The following KALRN variants were observed in gnomAD, a reference collection of about 807,000 sequenced individuals.
KALRN encodes the protein kalirin RhoGEF kinase.
Under a neutral mutation model 353.7 loss-of-function variants are expected in KALRN, and 70 were observed. The observed-to-expected ratio is 0.20, with a 90% confidence interval of 0.16 to 0.24. The LOEUF (loss-of-function observed/expected upper bound fraction) is 0.24, where lower values mean the gene tolerates loss of function less well. Ranked by LOEUF, KALRN falls within the 10% of genes least tolerant of loss-of-function variation. The pLI, the probability that KALRN is intolerant of heterozygous loss-of-function variation, is 1.00. For missense variants in KALRN, 2,791 were observed against 3,756.7 expected, an observed-to-expected ratio of 0.74 and a Z score of 6.72; for synonymous variants, 1,391 against 1,434.8, an observed-to-expected ratio of 0.97 and a Z score of 0.69.
chr3:124,666,586 C>T lies in KALRN; in HGVS notation c.6483C>T (p.Leu2161=). The T allele has an allele frequency of 1.9e-6, 3 of 1,614,052 alleles. No homozygotes were observed. The highest frequency in any genetic ancestry group is 2.5e-6 in the Non-Finnish European group (3 of 1,179,972). ...FEQIVIFSEL[L]RKGSLTPGYM... ...AGATTGTCATCTTCAGTGAACTGCT[C>T]AGGAAGGGATCCCTCACCCCTGGCT... Residue 2161 remains leucine (L), a synonymous_variant, in exon 46 of 60, where the codon CTC becomes CTT. Coordinates refer to ENST00000682506, the MANE Select transcript of KALRN (RefSeq NM_001388419.1).
chr3:124,433,466 T>G (rs1026866020), intron 16 of KALRN, among the ~76,000 whole-genome samples: 7 of 151,724 alleles, frequency 4.6e-5, no homozygotes, highest in Non-Finnish European at 8.8e-5. Flanking sequence ...CACACACCTG[T>G]AGTCCCAGCT....
rs188694898 is a variant in KALRN at position 124,690,514 on chromosome 3, G to A, written c.7378-3290G>A. Among the ~76,000 whole-genome samples, 17 of 152,276 alleles carry A rather than the reference G, an allele frequency of 1.1e-4. No homozygotes were observed. In the East Asian group the frequency reaches 3.3e-3, roughly 29 times the overall value. ...GAGTAGAGATAGGATAGATAGAGAG[G>A]TGGAGAGCAAAGATAAGCAGGTAGG... is the stretch of plus-strand genomic sequence containing the variant. On this transcript the variant is annotated intron_variant, in intron 51 of 59. Transcript: ENST00000682506.
rs879063599 is a variant in KALRN, at chr3:124,701,901, G to A, written c.7997-137G>A. The stretch of plus-strand genomic sequence containing the variant: ...TAAAATAACATTCCAGAGAATCATG[G>A]CATTTTCCCACTGAGTCAGACTCCA... On this transcript the variant is annotated intron_variant, in intron 56 of 59. Coordinates refer to ENST00000682506, the MANE Select transcript of KALRN (RefSeq NM_001388419.1). 11 of 611,602 alleles carry A rather than the reference G, an allele frequency of 1.8e-5. No homozygotes were observed. In the South Asian group the frequency reaches 2.2e-4, roughly 12 times the overall value. The allele number at this position is 611,602 out of a possible 1,614,324, so 37.9% of individuals were successfully genotyped here. A position where few individuals can be genotyped will look rare whatever the true frequency, so the allele number is the denominator to read the frequency against.
chr3:124,294,816 T>C (rs1428786165), intron 5 of KALRN, among the ~76,000 whole-genome samples: 2 of 152,232 alleles, frequency 1.3e-5, no homozygotes, highest in African/African-American at 4.8e-5. Context: ...TATTTTTTAT[T>C]TTGGGTGGAA....
At chr3:124,288,804 G>C (rs2076172245) in intron 5 of KALRN, among the ~76,000 whole-genome samples, 1 of 152,146 alleles carries the variant, frequency 6.6e-6, no homozygotes, top group South Asian at 2.1e-4. Context: ...GAAGTAAAAG[G>C]CATATTCCAG....
chr3:124,616,500 T>A (rs2078612170), intron 34 of KALRN, among the ~76,000 whole-genome samples: 1 of 152,248 alleles, frequency 6.6e-6, no homozygotes, highest in African/African-American at 2.4e-5. Flanking sequence ...TCACCCTTTT[T>A]CTTCCAGATC....
In KALRN at chr3:124,632,426, A is replaced by T; in HGVS notation, c.5189A>T (p.Tyr1730Phe). 1.2e-6 allele frequency: 2 copies of T among 1,613,000 alleles called. No homozygotes were observed. The highest frequency in any genetic ancestry group is 1.7e-6 in the Non-Finnish European group (2 of 1,179,646). The part of the protein sequence containing the change: ...DCFFPLVKDA[Y>F]SHSSSENGGK... Reference sequence around the variant, plus strand: ...GTCTGTCCGTTTTCCTCAGATGCATACTCTCATTCCTCAAGCGAGAATGGA... The same window carrying T: ...GTCTGTCCGTTTTCCTCAGATGCATTCTCTCATTCCTCAAGCGAGAATGGA... The change falls in exon 35 of 60, where the codon TAC becomes TTC. Residue 1730 changes from tyrosine (Y) to phenylalanine (F), a missense_variant. Physicochemically the swap from Tyr to Phe is conservative, Grantham distance 22. Coordinates refer to ENST00000682506, the MANE Select transcript of KALRN (RefSeq NM_001388419.1).
At chr3:124,595,601 T>A (rs916077280) in intron 34 of KALRN, among the ~76,000 whole-genome samples, 1 of 152,226 alleles carries the variant, frequency 6.6e-6, no homozygotes, top group African/African-American at 2.4e-5. Flanking sequence ...TACACATCCA[T>A]AATTACTTCC....
intron 21 of KALRN, among the ~76,000 whole-genome samples, chr3:124,454,094 A>G (rs2059065078): frequency 6.6e-6 from 1 of 152,358 alleles, no homozygotes; most frequent in South Asian, 2.1e-4. Flanking sequence ...ACCTAGTCCT[A>G]TAATAGATGA....
chr3:124,413,336 A>G (rs1296889063), intron 13 of KALRN, 134 bp from the exon 14 acceptor site: 7 of 707,080 alleles, frequency 9.9e-6, no homozygotes, highest in Non-Finnish European at 1.4e-5. Context: ...AAATAGTCTA[A>G]GGGTTGAAGA....
intron 1 of KALRN, among the ~76,000 whole-genome samples, chr3:124,061,905 G>A (rs936501863): frequency 3.3e-5 from 5 of 151,026 alleles, no homozygotes; most frequent in African/African-American, 1.2e-4. Context: ...TTGTAAAGAA[G>A]CAGACTATTT....
chr3:124,475,126 G>T (rs542222040), intron 26 of KALRN, among the ~76,000 whole-genome samples: 1 of 152,076 alleles, frequency 6.6e-6, no homozygotes, highest in Non-Finnish European at 1.5e-5. Context: ...ATTTATGGGG[G>T]AGACAAAATA....
intron 1 of KALRN, among the ~76,000 whole-genome samples, chr3:124,065,241 C>T (rs1484778229): frequency 1.3e-5 from 2 of 152,178 alleles, no homozygotes; most frequent in African/African-American, 2.4e-5. Context: ...GATGTGGCTT[C>T]AGCAGCAGCA....
chr3:124,521,868 A>G (rs2067191610), intron 33 of KALRN, among the ~76,000 whole-genome samples: 1 of 152,174 alleles, frequency 6.6e-6, no homozygotes, highest in Non-Finnish European at 1.5e-5. Context: ...TTATTCACTC[A>G]TTAATTCAAC....
chr3:124,351,544 C>T (rs1041685353), intron 10 of KALRN, among the ~76,000 whole-genome samples: 17 of 152,166 alleles, frequency 1.1e-4, no homozygotes, highest in Admixed American at 3.3e-4. Context: ...GAAATTTGTC[C>T]TTCTGCAAGG....
At position 124,233,494 on chromosome 3, in the gene KALRN, G is replaced by A. The variant is rs938768563; in HGVS notation, c.149-1335G>A. 3.3e-5 allele frequency among the ~76,000 whole-genome samples: 5 copies of A among 152,264 alleles called. No homozygotes were observed. In the East Asian group the frequency reaches 9.7e-4, roughly 29 times the overall value. ...CTGAGTGGGGGCGCTGGGCAGTGGTGGTGGTGCTGAAACACTTTTTCATCA... is the reference window on the plus strand; with the variant it reads ...CTGAGTGGGGGCGCTGGGCAGTGGTAGTGGTGCTGAAACACTTTTTCATCA... On this transcript the variant is annotated intron_variant, in intron 2 of 59. Coordinates refer to ENST00000682506, the MANE Select transcript of KALRN (RefSeq NM_001388419.1).
intron 10 of KALRN, among the ~76,000 whole-genome samples, chr3:124,366,653 C>CT (rs2084739772): frequency 6.6e-6 from 1 of 152,024 alleles, no homozygotes; most frequent in South Asian, 2.1e-4. Context: ...TTTTCCCCAC[C>CT]TTTCCCCCCT....
chr3:124,106,643 G>C (rs2062339783), intron 1 of KALRN, among the ~76,000 whole-genome samples: 1 of 152,148 alleles, frequency 6.6e-6, no homozygotes, highest in South Asian at 2.1e-4. Context: ...GATGACACCT[G>C]TACCTGGAAA....
At position 124,494,214 on chromosome 3, in the gene KALRN, G is replaced by A. The variant is rs3772767; in HGVS notation, c.4832+1332G>A. Among the ~76,000 whole-genome samples, 24 of 152,344 alleles carry A rather than the reference G, an allele frequency of 1.6e-4. No homozygotes were observed. In the East Asian group the frequency reaches 4.2e-3, roughly 27 times the overall value. ...CCTTTTCTCTTGTCCTACAATGGGT[G>A]GGTGAGAAACCTTGGCATACTCTGC... On this transcript the variant is annotated intron_variant, in intron 32 of 59. Transcript: ENST00000682506.
Sources: allele counts gnomAD v4.1 joint callset (sites outside exome capture counted in the v4.1 genomes callset), GRCh38; gene constraint gnomAD v4.1.1; transcripts MANE v1.5; gene names NCBI Gene and HGNC (gene_info 2026-07-23, HGNC 2026-07-21).